Variants in RYR2 observed in about 807,000 individuals in gnomAD.
The protein encoded by RYR2 is cardiac muscle ryanodine receptor-calcium release channel.
A neutral mutation model predicts 601.1 loss-of-function variants in RYR2; 227 were observed. The observed-to-expected ratio is 0.38, with a 90% CI of 0.34 to 0.42. The LOEUF is 0.42. RYR2 is among the 10% of genes least tolerant of loss of function. The pLI, the probability that RYR2 is intolerant of heterozygous loss-of-function variation, is 1.00. For missense variants in RYR2, 4,646 were observed against 6,156.5 expected (o/e 0.75, Z 8.21); for synonymous variants, 2,223 against 2,175.1 (o/e 1.02, Z -0.61).
chr1:237,629,364 A>C (rs905395799), intron 41 of RYR2, among the ~76,000 whole-genome samples: 2 of 152,030 alleles, frequency 1.3e-5, no homozygotes, highest in African/African-American at 4.8e-5. Context: ...CACCCCCTAA[A>C]TATTTAAAAT....
rs1337182582 is a variant in RYR2, at chr1:237,369,471, C to T, written c.310-63C>T. 3 of 1,349,866 alleles carry T rather than the reference C, an allele frequency of 2.2e-6. No homozygotes were observed. The African/African-American group carries it at 4.3e-5, about 20-fold the overall frequency. The allele number at this position is 1,349,866 out of a possible 1,614,324, so 83.6% of individuals were successfully genotyped here. On this transcript the variant is annotated intron_variant, in intron 5 of 104. Transcript: ENST00000366574. ...TGAGAGCAAGAGAGTATTTTATCAA[C>T]TTGGTTAAGTTACTCTTTTGTGTTT...
At position 237,121,448 on chromosome 1, in the gene RYR2, A is replaced by G. The variant is rs149083078; in HGVS notation, c.48+78879A>G. 3.3e-5 allele frequency among the ~76,000 whole-genome samples: 5 copies of G among 152,332 alleles called. No homozygotes were observed. The East Asian group carries it at 9.7e-4, about 29-fold the overall frequency. The stretch of plus-strand genomic sequence containing the variant: ...GAGGAGAAAGCTGTTTACAGTAAAA[A>G]TGTATTTGCAAGAGAATTTTAAGAT... On this transcript the variant is annotated intron_variant, in intron 1 of 104. Coordinates refer to ENST00000366574, the MANE Select transcript of RYR2 (RefSeq NM_001035.3).
intron 20 of RYR2, among the ~76,000 whole-genome samples, chr1:237,499,901 C>T (rs558639527): frequency 1.4e-3 from 215 of 152,224 alleles, no homozygotes; most frequent in Non-Finnish European, 2.5e-3. Flanking sequence ...CAGATGCTCT[C>T]GGGACGAATT....
chr1:237,235,181 A>G (rs1685435856), intron 1 of RYR2, among the ~76,000 whole-genome samples: 1 of 152,160 alleles, frequency 6.6e-6, no homozygotes, highest in Non-Finnish European at 1.5e-5. Context: ...AGAGTAGAAA[A>G]CATTCTAAAG....
chr1:237,235,190 A>G (rs1384382336), intron 1 of RYR2, among the ~76,000 whole-genome samples: 2 of 152,210 alleles, frequency 1.3e-5, no homozygotes, highest in African/African-American at 4.8e-5. Context: ...AACATTCTAA[A>G]GCACTGTGAT....
At position 237,651,472 on chromosome 1, in the gene RYR2, T is replaced by C. The variant is rs527974959; in HGVS notation, c.7795T>C (p.Leu2599=). 11 of 1,587,294 alleles carry C rather than the reference T, an allele frequency of 6.9e-6. No individual in the cohort carries two copies. The South Asian group carries it at 1.2e-4, about 17-fold the overall frequency. ...LRRLVFDVPL[L]NEHAKMPLKL... is the part of the protein sequence containing the mutation. The stretch of plus-strand genomic sequence containing the variant: ...AAGATTAGTATTTGATGTTCCATTA[T>C]TAAATGAACACGCAAAGATGCCTCT... The change falls in exon 51 of 105, where the codon TTA becomes CTA. Residue 2599 remains leucine (L), a synonymous_variant. Transcript: ENST00000366574.
intron 1 of RYR2, among the ~76,000 whole-genome samples, chr1:237,102,443 C>T (rs924215518): frequency 6.6e-6 from 1 of 152,218 alleles, no homozygotes; most frequent in African/African-American, 2.4e-5. Context: ...ATGAGGCTTA[C>T]ACTTACTGCT....
chr1:237,784,769 C>A lies in RYR2; in HGVS notation c.13057C>A (p.Pro4353Thr). 1 of 1,605,066 alleles carries A rather than the reference C, an allele frequency of 6.2e-7. No individual in the cohort carries two copies. The highest frequency in any genetic ancestry group is 1.1e-5 in the South Asian group (1 of 90,028). Residue 4353 changes from proline (P) to threonine (T), a missense_variant, in exon 90 of 105, where the codon CCC (proline) becomes ACC (threonine). This residue lies in a region of RYR2 where 364 missense variants were observed against 442.9 expected (regional missense o/e 0.82). Coordinates refer to ENST00000366574, the MANE Select transcript of RYR2 (RefSeq NM_001035.3). The surrounding 1 kb of genome is among the most constrained non-coding windows in gnomAD (Gnocchi z 7.1). ...AGATGGGGAGGAGGGAGAGAGGAAA[C>A]CCCTGGAAGCCGCCCTGCCCTCCGA... ...RGDGEEGERK[P>T]LEAALPSEDL...
At chr1:237,394,284 A>G (rs191819108) in intron 10 of RYR2, among the ~76,000 whole-genome samples, 1 of 152,282 alleles carries the variant, frequency 6.6e-6, no homozygotes, top group African/African-American at 2.4e-5. Flanking sequence ...GATTCTTTCA[A>G]TGGTGATTCA....
Position 237,767,690 on chromosome 1 carries a change from G to A in RYR2, c.11477-3117G>A, listed in dbSNP as rs182430430. Among the ~76,000 whole-genome samples the A allele has an allele frequency of 1.7e-4, 26 of 152,190 alleles. No homozygotes were observed. The East Asian group carries it at 5.0e-3, about 29-fold the overall frequency. ...TATTTTTTAAATTTACTTTTTAATTGAATTGTAATATAATTGAAGCAGTCA... is the reference window on the plus strand; with the variant it reads ...TATTTTTTAAATTTACTTTTTAATTAAATTGTAATATAATTGAAGCAGTCA... On this transcript the variant is annotated intron_variant, in intron 84 of 104. Transcript: ENST00000366574.
intron 3 of RYR2, among the ~76,000 whole-genome samples, chr1:237,348,024 A>G (rs999799654): frequency 2.0e-5 from 3 of 152,178 alleles, no homozygotes; most frequent in African/African-American, 7.2e-5. Context: ...AGGAGCCTGC[A>G]AAGTTTATGT....
intron 1 of RYR2, among the ~76,000 whole-genome samples, chr1:237,226,969 A>G (rs907758661): frequency 6.6e-6 from 1 of 152,110 alleles, no homozygotes; most frequent in Admixed American, 6.5e-5. Context: ...TGGTTTCACC[A>G]TGTTGGCCAG....
rs779944369 is a variant in RYR2, at chr1:237,614,253, A to C, written c.5125A>C (p.Ile1709Leu). 4 of 1,614,004 alleles carry C rather than the reference A, an allele frequency of 2.5e-6. No individual in the cohort carries two copies. The highest frequency in any genetic ancestry group is 1.7e-6 in the Non-Finnish European group (2 of 1,179,892). Residue 1709 changes from isoleucine to leucine, a missense_variant, in exon 37 of 105, where the codon ATC becomes CTC. Ile to Leu is a conservative substitution (Grantham distance 5, BLOSUM62 2). This residue lies in a region of RYR2 where 1,807 missense variants were observed against 2,088.1 expected (regional missense o/e 0.87). Coordinates refer to ENST00000366574, the MANE Select transcript of RYR2 (RefSeq NM_001035.3). The surrounding 1 kb of genome is among the most constrained non-coding windows in gnomAD (Gnocchi z 4.3). Reference protein sequence around the residue: ...RAGYYDLLIDIHLSSYATARL... With the variant: ...RAGYYDLLIDLHLSSYATARL... ...TGGCTACTATGACCTGCTGATTGAC[A>C]TCCACCTGAGCTCCTATGCCACTGC...
intron 62 of RYR2, among the ~76,000 whole-genome samples, chr1:237,681,656 G>A (rs924675449): frequency 2.0e-5 from 3 of 152,160 alleles, no homozygotes; most frequent in African/African-American, 7.2e-5. Context: ...ACAAATTGCT[G>A]CCACATGGAG....
intron 1 of RYR2, among the ~76,000 whole-genome samples, chr1:237,095,121 G>C (rs1241414238): frequency 6.6e-6 from 1 of 152,186 alleles, no homozygotes. Context: ...CCATACATAT[G>C]GTGAGCCTTT....
intron 84 of RYR2, among the ~76,000 whole-genome samples, chr1:237,769,620 G>C (rs556230180): frequency 1.3e-5 from 2 of 152,012 alleles, no homozygotes; most frequent in African/African-American, 2.4e-5. Context: ...CTGCGGACTG[G>C]TAAGTCCATC....
chr1:237,473,282 G>A (rs1660945626), intron 17 of RYR2, among the ~76,000 whole-genome samples: 1 of 151,940 alleles, frequency 6.6e-6, no homozygotes, highest in East Asian at 1.9e-4. Context: ...AAATTAGCAA[G>A]GCATGGTGGC....
At position 237,602,170 on chromosome 1, in the gene RYR2, A is replaced by T. The variant is rs791541; in HGVS notation, c.4683+59A>T. 0.44 allele frequency: 566,477 copies of T among 1,287,822 alleles called. 131,108 individuals are homozygous for T. The highest frequency in any genetic ancestry group is 0.55 in the Admixed American group (27,099 of 49,126). 79.8% of individuals were successfully genotyped at this position (1,287,822 alleles called of 1,614,324 possible). A position where few individuals can be genotyped will look rare whatever the true frequency, so the allele number is the denominator to read the frequency against. On this transcript the variant is annotated intron_variant, in intron 35 of 104. Transcript: ENST00000366574. ...TTTTTTCTATTAGGATATAGCATTG[A>T]TTTATTCTGAAATGAATTCAGTATA... is the stretch of plus-strand genomic sequence containing the variant.
chr1:237,473,760 G>A (rs528634697), intron 17 of RYR2, among the ~76,000 whole-genome samples: 1 of 152,144 alleles, frequency 6.6e-6, no homozygotes, highest in East Asian at 2.0e-4. Context: ...GCTGGCAGAT[G>A]GCTGCAGCCT....
Sources: allele counts gnomAD v4.1 joint callset (sites outside exome capture counted in the v4.1 genomes callset), GRCh38; gene constraint gnomAD v4.1.1; regional missense constraint gnomAD v4.1.1; non-coding constraint Gnocchi (gnomAD v3.1); transcripts MANE v1.5; gene names NCBI Gene and HGNC (gene_info 2026-07-23, HGNC 2026-07-21).